The following PROM1 variants were observed in gnomAD, a reference collection of about 807,000 sequenced individuals.
The protein encoded by PROM1 is prominin-1.
In PROM1, 105 loss-of-function variants were observed where a neutral mutation model predicts 116.9. That is an observed-to-expected ratio of 0.90 (90% CI 0.77 to 1.06). The LOEUF is 1.06. Ranked by LOEUF, PROM1 falls within the 50% of genes least tolerant of loss-of-function variation. The pLI, the probability that PROM1 is intolerant of heterozygous loss-of-function variation, is 0.00. For missense variants in PROM1, 1,122 were observed against 1,045.2 expected, an observed-to-expected ratio of 1.07 and a Z score of -1.01; for synonymous variants, 393 against 387.0, an observed-to-expected ratio of 1.02 and a Z score of -0.18.
intron 2 of PROM1, among the ~76,000 whole-genome samples, chr4:16,073,085 G>T (rs1372534595): frequency 6.6e-6 from 1 of 152,020 alleles, no homozygotes; most frequent in African/African-American, 2.4e-5. Context: ...CATTCAGCTG[G>T]CTCTGCTTGA....
At chr4:16,007,998 A>G (rs962596576) in intron 12 of PROM1, among the ~76,000 whole-genome samples, 2 of 152,204 alleles carry the variant, frequency 1.3e-5, no homozygotes, top group African/African-American at 2.4e-5. Flanking sequence ...CCTTGTCTAG[A>G]AAACAGGGTT....
chr4:15,993,875 A>G, intron 16 of PROM1, 112 bp downstream of exon 16: 1 of 1,507,778 alleles, frequency 6.6e-7, no homozygotes, highest in Non-Finnish European at 8.9e-7. Context: ...TCACTTTTAA[A>G]TAGTTAATTT....
At chr4:15,976,547 G>T (rs955851639) in intron 26 of PROM1, among the ~76,000 whole-genome samples, 2 of 152,214 alleles carry the variant, frequency 1.3e-5, no homozygotes, top group African/African-American at 4.8e-5. Flanking sequence ...TAAGACAGAA[G>T]ACAGCTGACG....
intron 1 of PROM1, chr4:16,078,193 G>A (rs532315840): frequency 9.8e-5 from 15 of 152,370 alleles, no homozygotes; most frequent in African/African-American, 3.4e-4. Flanking sequence ...CCTCCAAGAT[G>A]GACTCTGTCC....
At chr4:16,053,454 T>A (rs947587635) in intron 2 of PROM1, among the ~76,000 whole-genome samples, 1 of 152,210 alleles carries the variant, frequency 6.6e-6, no homozygotes, top group Non-Finnish European at 1.5e-5. Flanking sequence ...TTGTTGTGAT[T>A]CCGATTCAAG....
chr4:15,994,153 C>T, intron 15 of PROM1, 82 bp from the exon 16 acceptor site: 1 of 1,586,418 alleles, frequency 6.3e-7, no homozygotes, highest in Non-Finnish European at 8.6e-7. Context: ...AGGAGAAAGG[C>T]TCACTGTTTC....
intron 1 of PROM1, among the ~76,000 whole-genome samples, chr4:16,080,291 C>T (rs550810518): frequency 1.3e-5 from 2 of 151,918 alleles, no homozygotes; most frequent in South Asian, 2.1e-4. Flanking sequence ...GAGGCCGAGG[C>T]GGGCGGATCA....
At chr4:16,044,541 T>C (rs1736069672) in intron 2 of PROM1, among the ~76,000 whole-genome samples, 1 of 152,186 alleles carries the variant, frequency 6.6e-6, no homozygotes, top group Non-Finnish European at 1.5e-5. Context: ...ACACACATAG[T>C]TCAGGGGGTC....
At chr4:16,062,630 T>C (rs1047574633) in intron 2 of PROM1, among the ~76,000 whole-genome samples, 2 of 152,244 alleles carry the variant, frequency 1.3e-5, no homozygotes, top group Admixed American at 6.5e-5. Flanking sequence ...GTTTTTGCTA[T>C]ACTTCAAAGA....
chr4:16,037,149 G>A (rs568222339), intron 3 of PROM1, among the ~76,000 whole-genome samples: 3 of 152,262 alleles, frequency 2.0e-5, no homozygotes, highest in African/African-American at 2.4e-5. Context: ...TCCAAGTCCC[G>A]GATCCCACTG....
chr4:16,004,608 C>T (rs1329013738), intron 13 of PROM1, among the ~76,000 whole-genome samples: 1 of 152,114 alleles, frequency 6.6e-6, no homozygotes, highest in African/African-American at 2.4e-5. Flanking sequence ...AAATTTGTAA[C>T]ATTAAACTTA....
chr4:16,071,868 C>T (rs766429354), intron 2 of PROM1, among the ~76,000 whole-genome samples: 27 of 152,196 alleles, frequency 1.8e-4, no homozygotes, highest in Non-Finnish European at 8.8e-5. Context: ...ACATGCCCTA[C>T]TCTCTACCTG....
intron 2 of PROM1, among the ~76,000 whole-genome samples, chr4:16,070,803 C>T (rs1742632391): frequency 6.6e-6 from 1 of 152,138 alleles, no homozygotes; most frequent in Non-Finnish European, 1.5e-5. Context: ...CACTTAACCT[C>T]AAAAGTGAAG....
At chr4:16,069,019 G>T (rs1370328821) in intron 2 of PROM1, among the ~76,000 whole-genome samples, 1 of 152,214 alleles carries the variant, frequency 6.6e-6, no homozygotes, top group Admixed American at 6.5e-5. Flanking sequence ...CGGATCACCT[G>T]AGGTTAGGAG....
chr4:15,998,010 A>G (rs113817680), intron 15 of PROM1, among the ~76,000 whole-genome samples: 5 of 152,298 alleles, frequency 3.3e-5, no homozygotes, highest in East Asian at 3.9e-4. Flanking sequence ...CCTTCCCCCT[A>G]TCAGTGATCC....
intron 26 of PROM1, among the ~76,000 whole-genome samples, chr4:15,974,709 G>A (rs1488301872): frequency 6.6e-6 from 1 of 152,138 alleles, no homozygotes; most frequent in East Asian, 1.9e-4. Flanking sequence ...GGGCTCAAGT[G>A]ATCCTCTGTC....
Position 16,009,668 on chromosome 4 carries a change from A to G in PROM1, c.1142-560T>C, listed in dbSNP as rs550772019. Reference sequence around the variant, plus strand: ...AGAAATGGTATTCAGGGCCGGGCACAGTGGCTCACACCTGTAATCCCAGCA... The same window carrying G: ...AGAAATGGTATTCAGGGCCGGGCACGGTGGCTCACACCTGTAATCCCAGCA... On this transcript the variant is annotated intron_variant, in intron 11 of 27. Coordinates refer to ENST00000447510, the MANE Select transcript of PROM1 (RefSeq NM_006017.3). Among the ~76,000 whole-genome samples, 21 of 152,254 alleles carry G rather than the reference A, an allele frequency of 1.4e-4. 1 individual carries two copies. Among genetic ancestry groups the G allele is most frequent in the African/African-American group, 4.8e-4 (20 of 41,532 alleles).
At position 16,019,187 on chromosome 4, in the gene PROM1, T is replaced by C. The variant is rs534940242; in HGVS notation, c.785-647A>G. On this transcript the variant is annotated intron_variant, in intron 8 of 27. Transcript: ENST00000447510. ...TCAAAGGCAGTGGTCTGTTTAATTT[T>C]GCAAACCCTACCCCCTAGGACACAT... 2.5e-4 allele frequency among the ~76,000 whole-genome samples: 38 copies of C among 152,324 alleles called. No individual in the cohort carries two copies. In the South Asian group the frequency reaches 7.9e-3, roughly 32 times the overall value.
Position 15,980,433 on chromosome 4 carries a change from G to A in PROM1, c.2478C>T (p.Asp826=), listed in dbSNP as rs774262417. 54 of 1,546,286 alleles carry A rather than the reference G, an allele frequency of 3.5e-5. No homozygotes were observed. Among genetic ancestry groups the A allele is most frequent in the South Asian group, 8.4e-5 (7 of 83,376 alleles). The change falls in exon 24 of 28, where the codon GAC becomes GAT. Residue 826 remains aspartate (D), a synonymous_variant. Transcript: ENST00000447510. ...AKYYRRMDSE[D]VYDDVETIPM... is the part of the protein sequence containing the mutation. Reference sequence around the variant, plus strand: ...GCCCACATACTTACTCATCGTACACGTCCTCCGAATCCATTCGACGATAGT... The same window carrying A: ...GCCCACATACTTACTCATCGTACACATCCTCCGAATCCATTCGACGATAGT...
Sources: allele counts gnomAD v4.1 joint callset (sites outside exome capture counted in the v4.1 genomes callset), GRCh38; gene constraint gnomAD v4.1.1; transcripts MANE v1.5; gene names NCBI Gene and HGNC (gene_info 2026-07-23, HGNC 2026-07-21).